Variants in CLNK observed in about 807,000 individuals in gnomAD.
CLNK encodes cytokine dependent hematopoietic cell linker, also known as cytokine-dependent hematopoietic cell linker.
CLNK carries 74 observed loss-of-function variants against 68.6 expected under a neutral mutation model. The ratio of observed to expected loss-of-function variants is 1.08; its 90% CI spans 0.89 to 1.31. The LOEUF (loss-of-function observed/expected upper bound fraction) is 1.31, where lower values mean the gene tolerates loss of function less well. CLNK is among the 50% of genes most tolerant of loss of function. The probability of loss-of-function intolerance (pLI) is 0.00; values close to 1 mark genes in which losing one functional copy is unlikely to be tolerated. For missense variants in CLNK, 553 were observed against 515.3 expected, an observed-to-expected ratio of 1.07 and a Z score of -0.71; for synonymous variants, 198 against 172.2, an observed-to-expected ratio of 1.15 and a Z score of -1.17.
rs1470243393 is a variant in CLNK, at chr4:10,490,425, A to G, written c.*42T>C. The G allele has an allele frequency of 1.9e-6, 3 of 1,591,220 alleles. No homozygotes were observed. The South Asian group carries it at 3.5e-5, about 18-fold the overall frequency. On this transcript the variant is annotated 3_prime_UTR_variant, in exon 19 of 19. Coordinates refer to ENST00000226951, the MANE Select transcript of CLNK (RefSeq NM_052964.4). Reference sequence around the variant, plus strand: ...CTTTTGAAATCAATGAAAACAATGGAAGCGCTGAATCCAGTAAACCAAAGA... The same window carrying G: ...CTTTTGAAATCAATGAAAACAATGGGAGCGCTGAATCCAGTAAACCAAAGA...
chr4:10,632,204 C>T (rs368116646), intron 2 of CLNK, among the ~76,000 whole-genome samples: 9 of 152,230 alleles, frequency 5.9e-5, no homozygotes, highest in African/African-American at 1.9e-4. Context: ...GTCCAGGCAT[C>T]GTCCTTGACC....
chr4:10,505,472 G>A (rs1717251779), intron 17 of CLNK, among the ~76,000 whole-genome samples: 1 of 152,142 alleles, frequency 6.6e-6, no homozygotes, highest in Non-Finnish European at 1.5e-5. Flanking sequence ...TCCTACCACT[G>A]CTATAACAAA....
intron 2 of CLNK, among the ~76,000 whole-genome samples, chr4:10,643,401 C>T (rs186221152): frequency 6.6e-6 from 1 of 152,340 alleles, no homozygotes; most frequent in African/African-American, 2.4e-5. Flanking sequence ...GAGACACAGT[C>T]CTTGTCCTGA....
chr4:10,588,286 T>C (rs920571481), intron 3 of CLNK, among the ~76,000 whole-genome samples: 1 of 152,224 alleles, frequency 6.6e-6, no homozygotes, highest in African/African-American at 2.4e-5. Context: ...GGGTTCTTGT[T>C]ATCTTCTAAC....
In CLNK at chr4:10,542,022, C is replaced by G. The variant is rs199642916; in HGVS notation, c.491G>C (p.Arg164Pro). ...RKNKIPLPPP[R>P]PLITLPKKYQ... ...AAAATGCTATTTTAAAGTGTTTTAC[C>G]GAGGAGGTGGTAAAGGAATCTGAAA... The change falls in exon 10 of 19, where the codon CGG becomes CCG. Residue 164 changes from arginine (R) to proline (P), a missense_variant and splice_region_variant. Arg to Pro is a moderately radical substitution (Grantham distance 103). Transcript: ENST00000226951. 2 of 1,584,638 alleles carry G rather than the reference C, an allele frequency of 1.3e-6. No homozygotes were observed. The highest frequency in any genetic ancestry group is 1.7e-6 in the Non-Finnish European group (2 of 1,165,636).
chr4:10,563,807 C>T (rs1369308311), intron 7 of CLNK, among the ~76,000 whole-genome samples: 1 of 151,818 alleles, frequency 6.6e-6, no homozygotes, highest in East Asian at 1.9e-4. Context: ...TTCAGAAGGC[C>T]GAAGCAGGAG....
chr4:10,591,476 A>T (rs1017180721), intron 3 of CLNK, among the ~76,000 whole-genome samples: 1 of 152,234 alleles, frequency 6.6e-6, no homozygotes, highest in African/African-American at 2.4e-5. Flanking sequence ...TGCCTGGAGC[A>T]TGTGCACACC....
At chr4:10,491,441 TA>T (rs1198773249) in intron 18 of CLNK, among the ~76,000 whole-genome samples, 1 of 152,252 alleles carries the variant, frequency 6.6e-6, no homozygotes, top group Admixed American at 6.5e-5. Flanking sequence ...TAAGGAATTC[TA>T]GTATACATAG....
intron 4 of CLNK, among the ~76,000 whole-genome samples, chr4:10,582,087 C>CAATCT (rs1376993429): frequency 1.3e-5 from 2 of 152,126 alleles, no homozygotes; most frequent in African/African-American, 4.8e-5. Flanking sequence ...AATGTTAATC[C>CAATCT]TTGAGTTTAC....
At chr4:10,614,832 A>G (rs1722165563) in intron 2 of CLNK, among the ~76,000 whole-genome samples, 1 of 152,234 alleles carries the variant, frequency 6.6e-6, no homozygotes, top group Non-Finnish European at 1.5e-5. Context: ...CCACTCTCCT[A>G]ATCACAGAGG....
At chr4:10,556,737 T>G (rs1719686564) in intron 8 of CLNK, among the ~76,000 whole-genome samples, 1 of 152,178 alleles carries the variant, frequency 6.6e-6, no homozygotes, top group South Asian at 2.1e-4. Flanking sequence ...GTGAAAATAC[T>G]TTCTCTACAT....
rs140514327 is a variant in CLNK, at chr4:10,661,355, G to T, written c.11+6504C>A. On this transcript the variant is annotated intron_variant, in intron 2 of 18. Coordinates refer to ENST00000226951, the MANE Select transcript of CLNK (RefSeq NM_052964.4). ...GTGCAAGGTTTCAAAGAGAAAATAT[G>T]CCTCTAATGGGCAAAACAGTCATTC... Among the ~76,000 whole-genome samples the T allele has an allele frequency of 3.8e-3, 573 of 152,322 alleles. 13 individuals carry two copies. Among genetic ancestry groups the T allele is most frequent in the Admixed American group, 0.034 (513 of 15,294 alleles).
In CLNK at chr4:10,566,126, C is replaced by A; in HGVS notation, c.175G>T (p.Asp59Tyr). The A allele has an allele frequency of 6.2e-7, 1 of 1,613,810 alleles. No homozygotes were observed. Among genetic ancestry groups the A allele is most frequent in the Non-Finnish European group, 8.5e-7 (1 of 1,179,766 alleles). Residue 59 changes from aspartate to tyrosine, a missense_variant, in exon 6 of 19, where the codon GAT becomes TAT. Asp to Tyr is a radical substitution (Grantham distance 160). Transcript: ENST00000226951. ...TCATCACTGTGGCCTTTTGCTCCATCCAGGACTGCAGCAAAGTTTCTTTCC... is the reference window on the plus strand; with the variant it reads ...TCATCACTGTGGCCTTTTGCTCCATACAGGACTGCAGCAAAGTTTCTTTCC... Reference protein sequence around the residue: ...DWERNFAAVLDGAKGHSDDDY... With the variant: ...DWERNFAAVLYGAKGHSDDDY...
chr4:10,544,355 A>C (rs2108810663), intron 8 of CLNK, among the ~76,000 whole-genome samples: 1 of 152,352 alleles, frequency 6.6e-6, no homozygotes, highest in Non-Finnish European at 1.5e-5. Context: ...ACTCATTTTT[A>C]ATATATGCAT....
intron 2 of CLNK, among the ~76,000 whole-genome samples, chr4:10,637,279 A>G (rs1723127160): frequency 1.3e-5 from 2 of 152,232 alleles, no homozygotes; most frequent in Non-Finnish European, 2.9e-5. Context: ...CCAGCTCTCC[A>G]TCTCCAGCCT....
rs1246716865 is a variant in CLNK, at chr4:10,489,454, C to T, written c.*1013G>A. ...TGTAGGATATAATCTGAGCTCTGTA[C>T]TATGAATGTGTTAATTCCATTTGAC... On this transcript the variant is annotated 3_prime_UTR_variant, in exon 19 of 19. Coordinates refer to ENST00000226951, the MANE Select transcript of CLNK (RefSeq NM_052964.4). 2 of 152,056 alleles carry T rather than the reference C, an allele frequency of 1.3e-5. No individual in the cohort carries two copies. Among genetic ancestry groups the T allele is most frequent in the African/African-American group, 4.8e-5 (2 of 41,394 alleles). The allele number at this position is 152,056 out of a possible 1,614,324, so 9.4% of individuals were successfully genotyped here.
At chr4:10,501,583 T>TCA (rs1717052435) in intron 17 of CLNK, among the ~76,000 whole-genome samples, 172 bp from the exon 18 acceptor site, 1 of 152,254 alleles carries the variant, frequency 6.6e-6, no homozygotes, top group Non-Finnish European at 1.5e-5. Flanking sequence ...AGGGTTCTTG[T>TCA]CACTTTCTGA....
intron 2 of CLNK, among the ~76,000 whole-genome samples, chr4:10,644,939 A>G (rs1723453515): frequency 1.3e-5 from 2 of 152,220 alleles, no homozygotes; most frequent in South Asian, 2.1e-4. Flanking sequence ...CGTTTATGCC[A>G]ATCTTAGCTA....
At chr4:10,720,370 A>G in the CLNK span, among the ~76,000 whole-genome samples, 11 of 152,118 alleles carry the variant, frequency 7.2e-5, no homozygotes, top group African/African-American at 2.4e-4. Context: ...CATCACTACA[A>G]ATTATTTAAA....
Sources: allele counts gnomAD v4.1 joint callset (sites outside exome capture counted in the v4.1 genomes callset), GRCh38; gene constraint gnomAD v4.1.1; transcripts MANE v1.5; gene names NCBI Gene and HGNC (gene_info 2026-07-23, HGNC 2026-07-21).